The following TET2 variants were observed in gnomAD, a reference collection of about 807,000 sequenced individuals.
TET2 encodes methylcytosine dioxygenase TET2.
Under a neutral mutation model 142.9 loss-of-function variants are expected in TET2, and 299 were observed. The observed-to-expected ratio is 2.09, with a 90% CI of 1.90 to 2.30. The LOEUF (loss-of-function observed/expected upper bound fraction) is 2.30, where lower values mean the gene tolerates loss of function less well. Ranked by LOEUF, TET2 falls within the 30% of genes most tolerant of loss-of-function variation. The pLI is 0.00. For synonymous variants in TET2, 819 were observed against 849.0 expected, an observed-to-expected ratio of 0.96 and a Z score of 0.61; for missense variants, 2,418 against 2,378.0, an observed-to-expected ratio of 1.02 and a Z score of -0.35.
chr4:105,259,868 T>A, intron 7 of TET2, 99 bp downstream of exon 7: 1 of 1,213,530 alleles, frequency 8.2e-7, no homozygotes. Context: ...AAGCTCTTAT[T>A]AATCAAAGTT....
chr4:105,187,360 A>G (rs1725519170), intron 1 of TET2, among the ~76,000 whole-genome samples: 1 of 152,214 alleles, frequency 6.6e-6, no homozygotes, highest in Non-Finnish European at 1.5e-5. Context: ...AATCATATAC[A>G]GGCAATAACC....
At chr4:105,265,629 A>G (rs1730647934) in intron 8 of TET2, among the ~76,000 whole-genome samples, 1 of 152,210 alleles carries the variant, frequency 6.6e-6, no homozygotes, top group Non-Finnish European at 1.5e-5. Context: ...ACAAATACAT[A>G]TATGAATCCA....
intron 1 of TET2, among the ~76,000 whole-genome samples, chr4:105,164,666 G>C (rs1462499768): frequency 6.6e-6 from 1 of 152,150 alleles, no homozygotes; most frequent in African/African-American, 2.4e-5. Context: ...GGTCAGTTGA[G>C]GAATTTCCCA....
chr4:105,192,008 C>G (rs887865768), intron 2 of TET2, among the ~76,000 whole-genome samples: 24 of 152,214 alleles, frequency 1.6e-4, no homozygotes, highest in African/African-American at 5.5e-4. Flanking sequence ...TTGATGATTG[C>G]TTTACCTCAC....
chr4:105,176,255 C>T (rs989785910), intron 1 of TET2, among the ~76,000 whole-genome samples: 1 of 152,156 alleles, frequency 6.6e-6, no homozygotes, highest in African/African-American at 2.4e-5. Context: ...GGTGTCTCCT[C>T]TTACCACTTT....
At chr4:105,211,156 T>C (rs1394843326) in intron 2 of TET2, among the ~76,000 whole-genome samples, 1 of 152,244 alleles carries the variant, frequency 6.6e-6, no homozygotes, top group African/African-American at 2.4e-5. Context: ...AGCTGAATCA[T>C]TCTTCCAGGT....
chr4:105,237,450 C>A lies in TET2; in HGVS notation c.3409+99C>A. On this transcript the variant is annotated intron_variant, in intron 3 of 10. Coordinates refer to ENST00000380013, the MANE Select transcript of TET2 (RefSeq NM_001127208.3). ...TTCCTTCTTTTTTTAAATCTTGAGT[C>A]TGGCAGCAATTTGTAAAGGCTCATA... 1.9e-6 allele frequency: 3 copies of A among 1,612,904 alleles called. No homozygotes were observed. In the South Asian group the frequency reaches 3.3e-5, roughly 18 times the overall value.
intron 8 of TET2, among the ~76,000 whole-genome samples, chr4:105,263,390 C>A (rs1313499492): frequency 1.3e-5 from 2 of 152,018 alleles, no homozygotes; most frequent in Non-Finnish European, 2.9e-5. Flanking sequence ...AATCATTGGG[C>A]AAGAGATTTT....
chr4:105,233,966 T>C lies in TET2; in HGVS notation c.24T>C (p.His8=), dbSNP rs1281520653. ...TGATGGAACAGGATAGAACCAACCA[T>C]GTTGAGGGCAACAGACTAAGTCCAT... MEQDRTN[H]VEGNRLSPFL... The change falls in exon 3 of 11, where the codon CAT becomes CAC. Residue 8 remains histidine (H), a synonymous_variant. Transcript: ENST00000380013. The C allele has an allele frequency of 7.4e-6, 12 of 1,614,020 alleles. No individual in the cohort carries two copies. The highest frequency in any genetic ancestry group is 1.0e-5 in the Non-Finnish European group (12 of 1,179,970).
chr4:105,227,903 T>TA (rs1302189073), intron 2 of TET2, among the ~76,000 whole-genome samples: 1 of 152,184 alleles, frequency 6.6e-6, no homozygotes, highest in African/African-American at 2.4e-5. Context: ...TTTTTTATCT[T>TA]ACGCAAAAAT....
In TET2 at chr4:105,275,394, T is replaced by G. The variant is rs929076068; in HGVS notation, c.4884T>G (p.Tyr1628Ter). 6.4e-7 allele frequency: 1 copy of G among 1,551,608 alleles called. No homozygotes were observed. Among genetic ancestry groups the G allele is most frequent in the South Asian group, 1.2e-5 (1 of 84,054 alleles). Residue 1628 changes from tyrosine (Y) to a stop codon, truncating the protein, a stop_gained, in exon 11 of 11, where the codon TAT (tyrosine) becomes TAG (stop). Transcript: ENST00000380013. LOFTEE classifies it low-confidence loss of function (END_TRUNC). ...YPGLLNQNTQ[Y>*]PSYQCNGNLS... ...GGCTTTTGAATCAGAATACCCAATATCCATCATATCAATGCAATGGAAACC... is the reference window on the plus strand; with the variant it reads ...GGCTTTTGAATCAGAATACCCAATAGCCATCATATCAATGCAATGGAAACC...
chr4:105,198,502 A>G (rs189545482), intron 2 of TET2, among the ~76,000 whole-genome samples: 1 of 152,352 alleles, frequency 6.6e-6, no homozygotes, highest in African/African-American at 2.4e-5. Flanking sequence ...AGAAACTAAA[A>G]TATGTTATAA....
intron 2 of TET2, among the ~76,000 whole-genome samples, chr4:105,204,605 G>C (rs1199383077): frequency 6.6e-6 from 1 of 152,118 alleles, no homozygotes; most frequent in African/African-American, 2.4e-5. Context: ...TGGGCTCTGG[G>C]TATAATTGCA....
At position 105,275,506 on chromosome 4, in the gene TET2, C is replaced by A. The variant is rs901770487; in HGVS notation, c.4996C>A (p.Pro1666Thr). ...MDLYRYPSQD[P>T]LSKLSLPPIH... The stretch of plus-strand genomic sequence containing the variant: ...TCTGTATAGGTATCCAAGCCAAGAC[C>A]CTCTGTCTAAGCTCAGTCTACCACC... The change falls in exon 11 of 11, where the codon CCT (proline) becomes ACT (threonine). Residue 1666 changes from proline to threonine, a missense_variant. Transcript: ENST00000380013. 1 of 1,551,536 alleles carries A rather than the reference C, an allele frequency of 6.4e-7. No individual in the cohort carries two copies. Among genetic ancestry groups the A allele is most frequent in the African/African-American group, 1.4e-5 (1 of 73,022 alleles).
At chr4:105,250,498 TG>T (rs2110268971) in intron 6 of TET2, among the ~76,000 whole-genome samples, 1 of 148,286 alleles carries the variant, frequency 6.7e-6, no homozygotes, top group African/African-American at 2.5e-5. Context: ...CCCAGAGAGC[TG>T]GGGTTACAGG....
chr4:105,216,980 G>T (rs573694534), intron 2 of TET2, among the ~76,000 whole-genome samples: 28 of 152,114 alleles, frequency 1.8e-4, no homozygotes, highest in Middle Eastern at 6.8e-3. Context: ...CAATACATAC[G>T]TGGAAGTGTA....
In TET2 at chr4:105,236,623, CA is replaced by C; in HGVS notation, c.2682del (p.Val895PhefsTer26). 6.2e-7 allele frequency: 1 copy of C among 1,614,084 alleles called. No individual in the cohort carries two copies. Among genetic ancestry groups the C allele is most frequent in the Non-Finnish European group, 8.5e-7 (1 of 1,180,006 alleles). On this transcript the variant is annotated frameshift_variant, in exon 3 of 11. Coordinates refer to ENST00000380013, the MANE Select transcript of TET2 (RefSeq NM_001127208.3). LOFTEE classifies it high-confidence loss of function. The stretch of plus-strand genomic sequence containing the variant: ...CAGGAGCAGAAGTCACAACAAGCTT[CA>C]GTTCTACAGGGATATAAAAATAGAA... ...QEQEQKSQQASVLQGYKNRNQ... is the reference protein window; with the variant it reads ...QEQEQKSQQAXVLQGYKNRNQ...
At chr4:105,200,809 C>T (rs1412349241) in intron 2 of TET2, among the ~76,000 whole-genome samples, 4 of 151,976 alleles carry the variant, frequency 2.6e-5, no homozygotes, top group Non-Finnish European at 4.4e-5. Context: ...TACAGGCACA[C>T]ACCACCATGC....
chr4:105,272,497 A>T, intron 9 of TET2, 67 bp from the exon 10 acceptor site: 1 of 750,268 alleles, frequency 1.3e-6, no homozygotes, highest in Non-Finnish European at 2.0e-6. Context: ...GGAGAAAGAT[A>T]CACACACACA....
Sources: allele counts gnomAD v4.1 joint callset (sites outside exome capture counted in the v4.1 genomes callset), GRCh38; gene constraint gnomAD v4.1.1; transcripts MANE v1.5; gene names NCBI Gene and HGNC (gene_info 2026-07-23, HGNC 2026-07-21).